CPQ: variants seen among roughly 807,000 people sequenced by gnomAD.
The protein encoded by CPQ is carboxypeptidase Q, also known as Ser-Met dipeptidase.
A neutral mutation model predicts 45.7 loss-of-function variants in CPQ; 37 were observed. The ratio of observed to expected loss-of-function variants is 0.81; its 90% CI spans 0.62 to 1.07. The LOEUF (loss-of-function observed/expected upper bound fraction) is 1.07, where lower values mean the gene tolerates loss of function less well. Among genes scored for constraint, CPQ ranks in the 50% least tolerant of loss-of-function variants. The pLI is 0.00. For missense variants in CPQ, 537 were observed against 572.9 expected (o/e 0.94, Z 0.64); for synonymous variants, 186 against 205.8 (o/e 0.90, Z 0.82).
intron 1 of CPQ, among the ~76,000 whole-genome samples, chr8:96,772,136 T>C (rs568207541): frequency 1.3e-5 from 2 of 152,120 alleles, no homozygotes; most frequent in African/African-American, 4.8e-5. Flanking sequence ...AGAGAACATA[T>C]TGGAGAAGAG....
At chr8:96,744,208 C>G (rs1184988938) in intron 1 of CPQ, among the ~76,000 whole-genome samples, 1 of 152,236 alleles carries the variant, frequency 6.6e-6, no homozygotes, top group African/African-American at 2.4e-5. Flanking sequence ...GTCGGAAAAG[C>G]GCAGTATTAG....
At chr8:96,876,524 G>A (rs192902339) in intron 3 of CPQ, among the ~76,000 whole-genome samples, 89 of 152,206 alleles carry the variant, frequency 5.8e-4, no homozygotes, top group African/African-American at 2.0e-3. Flanking sequence ...CAGGGGAAAA[G>A]CATTCATTCT....
intron 1 of CPQ, among the ~76,000 whole-genome samples, chr8:96,678,564 C>T (rs1342652305): frequency 6.6e-6 from 1 of 152,046 alleles, no homozygotes; most frequent in Admixed American, 6.6e-5. Context: ...TTCTTTGCAT[C>T]CTTGCCAGCA....
chr8:97,044,957 C>T (rs1487895990), intron 6 of CPQ, among the ~76,000 whole-genome samples: 1 of 152,240 alleles, frequency 6.6e-6, no homozygotes, highest in East Asian at 1.9e-4. Context: ...CTTGAGGAGG[C>T]AGTCTGCCCA....
chr8:96,720,720 G>GT (rs1372103401), intron 1 of CPQ, among the ~76,000 whole-genome samples: 1 of 151,838 alleles, frequency 6.6e-6, no homozygotes, highest in Non-Finnish European at 1.5e-5. Flanking sequence ...CCTCCATGAA[G>GT]TTTTAATACC....
intron 7 of CPQ, among the ~76,000 whole-genome samples, chr8:97,083,398 G>A (rs1386847467): frequency 6.6e-6 from 1 of 152,114 alleles, no homozygotes; most frequent in Non-Finnish European, 1.5e-5. Context: ...TGGGTTCTTA[G>A]CATACTTACT....
At chr8:97,013,329 G>A (rs1809523652) in intron 5 of CPQ, among the ~76,000 whole-genome samples, 1 of 152,084 alleles carries the variant, frequency 6.6e-6, no homozygotes, top group Non-Finnish European at 1.5e-5. Flanking sequence ...ATGATTTAAT[G>A]TTCAAAAATA....
At chr8:96,766,817 C>A (rs1469973856) in intron 1 of CPQ, among the ~76,000 whole-genome samples, 3 of 152,162 alleles carry the variant, frequency 2.0e-5, no homozygotes, top group Non-Finnish European at 2.9e-5. Context: ...GACTGGCCAG[C>A]AGGCATTACT....
At chr8:96,668,234 T>C (rs1322260993) in intron 1 of CPQ, among the ~76,000 whole-genome samples, 1 of 152,176 alleles carries the variant, frequency 6.6e-6, no homozygotes, top group East Asian at 1.9e-4. Context: ...ATTTATTCAG[T>C]CAACAAATAT....
Position 96,814,253 on chromosome 8 carries a change from A to T in CPQ, c.434-20720A>T, listed in dbSNP as rs189279725. On this transcript the variant is annotated intron_variant, in intron 2 of 7. Transcript: ENST00000220763. ...TATTGTTTCCTCCTGTCAATGGAAT[A>T]CAAAATCACAGGAACTCTTTATCAC... 4.6e-5 allele frequency among the ~76,000 whole-genome samples: 7 copies of T among 152,272 alleles called. No individual in the cohort carries two copies. The East Asian group carries it at 1.4e-3, about 29-fold the overall frequency.
At chr8:96,719,906 C>T (rs1809740382) in intron 1 of CPQ, among the ~76,000 whole-genome samples, 2 of 152,200 alleles carry the variant, frequency 1.3e-5, no homozygotes, top group Non-Finnish European at 1.5e-5. Flanking sequence ...GTTTATCCCT[C>T]TCTCACATTC....
chr8:96,759,454 A>G (rs546895158), intron 1 of CPQ, among the ~76,000 whole-genome samples: 19 of 152,274 alleles, frequency 1.2e-4, no homozygotes, highest in African/African-American at 3.6e-4. Context: ...TTTGTACTCA[A>G]TTAAGCCCTA....
chr8:96,991,717 C>A (rs1809096163), intron 5 of CPQ, among the ~76,000 whole-genome samples: 1 of 152,054 alleles, frequency 6.6e-6, no homozygotes, highest in Admixed American at 6.6e-5. Context: ...ATCCCCAGAA[C>A]CCTAGTAGGA....
intron 2 of CPQ, among the ~76,000 whole-genome samples, chr8:96,788,412 G>A (rs1810803301): frequency 6.6e-6 from 1 of 151,954 alleles, no homozygotes; most frequent in Non-Finnish European, 1.5e-5. Context: ...CACCTGCCTA[G>A]GCTTCCCAAA....
At chr8:96,716,039 C>G (rs1233887691) in intron 1 of CPQ, among the ~76,000 whole-genome samples, 1 of 152,198 alleles carries the variant, frequency 6.6e-6, no homozygotes, top group Admixed American at 6.5e-5. Flanking sequence ...TGTTGGCTTT[C>G]TCAAATGTTG....
chr8:96,937,383 C>G (rs555572438), intron 4 of CPQ, among the ~76,000 whole-genome samples: 37 of 152,210 alleles, frequency 2.4e-4, no homozygotes, highest in African/African-American at 8.4e-4. Context: ...TGGGGTAAGG[C>G]AGGTGTCGGT....
intron 5 of CPQ, among the ~76,000 whole-genome samples, chr8:96,974,562 A>G (rs955167807): frequency 2.6e-5 from 4 of 152,158 alleles, no homozygotes; most frequent in African/African-American, 9.6e-5. Flanking sequence ...ACTGCAGAAT[A>G]TACATTCTAT....
intron 4 of CPQ, among the ~76,000 whole-genome samples, chr8:96,962,632 A>G (rs1813478992): frequency 6.6e-6 from 1 of 152,220 alleles, no homozygotes; most frequent in Non-Finnish European, 1.5e-5. Flanking sequence ...TGACCCTGAC[A>G]TAAGGGAGAT....
intron 7 of CPQ, among the ~76,000 whole-genome samples, chr8:97,111,797 G>A (rs1356171310): frequency 3.9e-5 from 6 of 152,268 alleles, no homozygotes; most frequent in South Asian, 2.1e-4. Context: ...TAAATATCTT[G>A]AACAAAACAA....
Sources: allele counts gnomAD v4.1 joint callset (sites outside exome capture counted in the v4.1 genomes callset), GRCh38; gene constraint gnomAD v4.1.1; transcripts MANE v1.5; gene names NCBI Gene and HGNC (gene_info 2026-07-23, HGNC 2026-07-21).